ARSK: variants seen among roughly 807,000 people sequenced by gnomAD.
The protein encoded by ARSK is arylsulfatase family member K.
Under a neutral mutation model 53.2 loss-of-function variants are expected in ARSK, and 37 were observed. The ratio of observed to expected loss-of-function variants is 0.70; its 90% CI spans 0.54 to 0.92. The LOEUF is 0.92. Ranked by LOEUF, ARSK falls within the 40% of genes least tolerant of loss-of-function variation. ARSK has a pLI of 0.00. For synonymous variants in ARSK, 208 were observed against 223.2 expected (o/e 0.93, Z 0.61); for missense variants, 613 against 643.0 (o/e 0.95, Z 0.51).
intron 3 of ARSK, among the ~76,000 whole-genome samples, chr5:95,579,625 G>A (rs947002646): frequency 6.6e-6 from 1 of 152,196 alleles, no homozygotes; most frequent in East Asian, 1.9e-4. Flanking sequence ...GAGTAGCAAG[G>A]ATATAAAGAA....
At chr5:95,583,754 A>G (rs1274779516) in intron 4 of ARSK, among the ~76,000 whole-genome samples, 1 of 152,220 alleles carries the variant, frequency 6.6e-6, no homozygotes, top group Admixed American at 6.5e-5. Context: ...CCTTCTCATC[A>G]TAAAACTTAT....
At chr5:95,591,135 A>G (rs1749207337) in intron 5 of ARSK, among the ~76,000 whole-genome samples, 1 of 152,154 alleles carries the variant, frequency 6.6e-6, no homozygotes, top group Admixed American at 6.6e-5. Context: ...GAAACCTAGA[A>G]AACAAGCCGG....
At chr5:95,597,786 C>G (rs1035844125) in intron 6 of ARSK, among the ~76,000 whole-genome samples, 1 of 151,450 alleles carries the variant, frequency 6.6e-6, no homozygotes, top group African/African-American at 2.4e-5. Flanking sequence ...CCCAGCTACT[C>G]GGGAGGCTGA....
chr5:95,579,530 G>A (rs1580222914), intron 3 of ARSK, among the ~76,000 whole-genome samples: 1 of 152,254 alleles, frequency 6.6e-6, no homozygotes, highest in South Asian at 2.1e-4. Context: ...ATTACAATGA[G>A]TCCCATCAGG....
chr5:95,593,989 TAAAGTC>T, intron 6 of ARSK, among the ~76,000 whole-genome samples: 1 of 152,290 alleles, frequency 6.6e-6, no homozygotes. Flanking sequence ...TAAAAGGAAA[TAAAGTC>T]AAAAATAAAT....
rs770518307 is a variant in ARSK, at chr5:95,555,461, C to T, written c.126+57C>T. ...CGCTGGGGATCGGCGACCTCACCGC[C>T]GCCGCCTGTGCTGCAGGCTTTGGGG... On this transcript the variant is annotated intron_variant, in intron 1 of 7. Coordinates refer to ENST00000380009, the MANE Select transcript of ARSK (RefSeq NM_198150.3). The surrounding 1 kb of genome is among the most constrained non-coding windows in gnomAD (Gnocchi z 4.0). 13 of 1,540,702 alleles carry T rather than the reference C, an allele frequency of 8.4e-6. No individual in the cohort carries two copies. Among genetic ancestry groups the T allele is most frequent in the Admixed American group, 1.9e-5 (1 of 52,026 alleles).
intron 1 of ARSK, among the ~76,000 whole-genome samples, chr5:95,558,852 C>G (rs1409137934): frequency 6.6e-6 from 1 of 152,078 alleles, no homozygotes; most frequent in Non-Finnish European, 1.5e-5. Context: ...AACTATAAGA[C>G]CAGTTTGGCC....
chr5:95,574,845 T>G (rs184814793), intron 3 of ARSK, among the ~76,000 whole-genome samples: 2 of 152,274 alleles, frequency 1.3e-5, no homozygotes, highest in East Asian at 3.9e-4. Flanking sequence ...GCTTTTTAAC[T>G]TGATGTGATC....
At chr5:95,580,926 GA>G (rs1468070996) in intron 3 of ARSK, 5 of 1,287,670 alleles carry the variant, frequency 3.9e-6, no homozygotes, top group Non-Finnish European at 5.1e-6. Flanking sequence ...TCAAAGAAGT[GA>G]AAAAGTTTGA....
At chr5:95,579,492 G>C (rs1748986297) in intron 3 of ARSK, among the ~76,000 whole-genome samples, 1 of 152,166 alleles carries the variant, frequency 6.6e-6, no homozygotes, top group Admixed American at 6.5e-5. Flanking sequence ...CACCAGAACA[G>C]TATGGGGGAA....
At chr5:95,594,354 G>C (rs1416384300) in intron 6 of ARSK, among the ~76,000 whole-genome samples, 1 of 151,910 alleles carries the variant, frequency 6.6e-6, no homozygotes, top group Non-Finnish European at 1.5e-5. Context: ...AAATCTGTAA[G>C]AAAAAGAGGA....
intron 5 of ARSK, among the ~76,000 whole-genome samples, chr5:95,587,028 A>G (rs1749124854): frequency 6.6e-6 from 1 of 152,190 alleles, no homozygotes; most frequent in African/African-American, 2.4e-5. Flanking sequence ...AGGAATCAAT[A>G]TTCAGCCAAG....
intron 6 of ARSK, among the ~76,000 whole-genome samples, chr5:95,599,884 A>G (rs1446417812): frequency 1.3e-5 from 2 of 152,210 alleles, no homozygotes; most frequent in Non-Finnish European, 2.9e-5. Flanking sequence ...TTAATTTCTA[A>G]CATTACAGAT....
In ARSK at chr5:95,591,613, C is replaced by G. The variant is rs199623529; in HGVS notation, c.1084C>G (p.Pro362Ala). ...TGTGGTTTCTCTTGTGGATATTTACCCTACCATGCTTGGTAAGTAATGTAG... is the reference window on the plus strand; with the variant it reads ...TGTGGTTTCTCTTGTGGATATTTACGCTACCATGCTTGGTAAGTAATGTAG... ...SNVVSLVDIY[P>A]TMLDIAGIPL... Residue 362 changes from proline to alanine, a missense_variant, in exon 6 of 8, where the codon CCT (proline) becomes GCT (alanine). Physicochemically the swap from Pro to Ala is conservative, Grantham distance 27. Transcript: ENST00000380009. The G allele has an allele frequency of 1.5e-5, 24 of 1,613,620 alleles. 1 individual carries two copies. The Admixed American group carries it at 3.5e-4, about 24-fold the overall frequency.
chr5:95,580,888 T>C (rs1343255717), intron 3 of ARSK: 3 of 1,286,158 alleles, frequency 2.3e-6, no homozygotes, highest in Non-Finnish European at 3.0e-6. Context: ...ATTTTACACT[T>C]TAGGCACAGT....
At chr5:95,560,856 G>GT (rs1748620265) in intron 1 of ARSK, among the ~76,000 whole-genome samples, 1 of 146,894 alleles carries the variant, frequency 6.8e-6, no homozygotes, top group Admixed American at 6.9e-5. Context: ...CCAGGCCGGA[G>GT]TGCAGTGGCG....
intron 1 of ARSK, among the ~76,000 whole-genome samples, chr5:95,561,171 G>T (rs1175107678): frequency 6.6e-6 from 1 of 152,168 alleles, no homozygotes. Context: ...TACATGAAAA[G>T]ATGCTCAACA....
At chr5:95,564,952 C>T (rs1180234086) in intron 1 of ARSK, among the ~76,000 whole-genome samples, 2 of 152,288 alleles carry the variant, frequency 1.3e-5, no homozygotes, top group East Asian at 1.9e-4. Context: ...CCAAGATAGA[C>T]TTCTCTCAAC....
At chr5:95,578,364 C>T (rs1748963668) in intron 3 of ARSK, among the ~76,000 whole-genome samples, 2 of 149,548 alleles carry the variant, frequency 1.3e-5, no homozygotes, top group South Asian at 2.1e-4. Flanking sequence ...CACTATGTTG[C>T]CCTGACTGGT....
Sources: allele counts gnomAD v4.1 joint callset (sites outside exome capture counted in the v4.1 genomes callset), GRCh38; gene constraint gnomAD v4.1.1; non-coding constraint Gnocchi (gnomAD v3.1); transcripts MANE v1.5; gene names NCBI Gene and HGNC (gene_info 2026-07-23, HGNC 2026-07-21).